The following RBM19 variants were observed in gnomAD, a reference collection of about 807,000 sequenced individuals.
RBM19 encodes the protein probable RNA-binding protein 19.
Under a neutral mutation model 116.8 loss-of-function variants are expected in RBM19, and 94 were observed. That is an observed-to-expected ratio of 0.80 (90% CI 0.68 to 0.95). The LOEUF (loss-of-function observed/expected upper bound fraction) is 0.95. Among genes scored for constraint, RBM19 ranks in the 40% least tolerant of loss-of-function variants. The pLI is 0.00. For synonymous variants in RBM19, 475 were observed against 494.1 expected (o/e 0.96, Z 0.51); for missense variants, 1,161 against 1,220.7 (o/e 0.95, Z 0.73).
At position 113,836,346 on chromosome 12, in the gene RBM19, G is replaced by C. The variant is rs571330236; in HGVS notation, c.2785+8322C>G. Among the ~76,000 whole-genome samples the C allele has an allele frequency of 2.0e-5, 3 of 152,256 alleles. No individual in the cohort carries two copies. The East Asian group carries it at 5.8e-4, about 29-fold the overall frequency. On this transcript the variant is annotated intron_variant, in intron 23 of 23. Coordinates refer to ENST00000261741, the MANE Select transcript of RBM19 (RefSeq NM_016196.4). Reference sequence around the variant, plus strand: ...ATCTCTGTCTGGTGTCAAGGTCTTTGCCTACTCAGGCCAACTTTTACAATG... The same window carrying C: ...ATCTCTGTCTGGTGTCAAGGTCTTTCCCTACTCAGGCCAACTTTTACAATG...
At chr12:113,941,649 T>G in intron 14 of RBM19, among the ~76,000 whole-genome samples, 1 of 144,546 alleles carries the variant, frequency 6.9e-6, no homozygotes, top group Non-Finnish European at 1.5e-5. Context: ...TCCATATTCA[T>G]CCTCCATCCA....
At chr12:113,838,639 T>C (rs184591062) in intron 23 of RBM19, among the ~76,000 whole-genome samples, 10 of 152,326 alleles carry the variant, frequency 6.6e-5, no homozygotes, top group Non-Finnish European at 1.5e-4. Context: ...CTCGTTCCCA[T>C]GAAAGCTTGC....
At position 113,962,288 on chromosome 12, in the gene RBM19, C is replaced by A. The variant is rs778970462; in HGVS notation, c.163G>T (p.Ala55Ser). The change falls in exon 2 of 24, where the codon GCC becomes TCC. Residue 55 changes from alanine (A) to serine (S), a missense_variant. Transcript: ENST00000261741. ...TTGAAATGCTTCTGTGCCTTCTGGG[C>A]CTCTTCCTCGGACTTGAAGCCAATA... ...GFIGFKSEEEAQKAQKHFNKS... is the reference protein window; with the variant it reads ...GFIGFKSEEESQKAQKHFNKS... The A allele has an allele frequency of 6.2e-7, 1 of 1,614,232 alleles. No homozygotes were observed. The highest frequency in any genetic ancestry group is 2.2e-5 in the East Asian group (1 of 44,884).
rs1462274656 is a variant in RBM19 at position 113,944,272 on chromosome 12, A to G, written c.1626+1556T>C. On this transcript the variant is annotated intron_variant, in intron 13 of 23. Transcript: ENST00000261741. The stretch of plus-strand genomic sequence containing the variant: ...ACCACCACACAAGGCTAATTTTTGT[A>G]TTTTTAGTAGAGATGGGGTTTCTCC... Among the ~76,000 whole-genome samples the G allele has an allele frequency of 3.3e-5, 5 of 151,534 alleles. No individual in the cohort carries two copies. The East Asian group carries it at 9.8e-4, about 30-fold the overall frequency.
At chr12:113,834,115 T>C (rs138990589) in intron 23 of RBM19, among the ~76,000 whole-genome samples, 1 of 152,284 alleles carries the variant, frequency 6.6e-6, no homozygotes, top group East Asian at 1.9e-4. Flanking sequence ...TTATTTATTT[T>C]TTTGGTAGGG....
At chr12:113,907,277 C>G (rs1367640298) in intron 21 of RBM19, among the ~76,000 whole-genome samples, 1 of 152,114 alleles carries the variant, frequency 6.6e-6, no homozygotes, top group African/African-American at 2.4e-5. Context: ...TGTTTACTGC[C>G]CCTACTGCCA....
chr12:113,874,772 C>T (rs1248711175), intron 21 of RBM19, among the ~76,000 whole-genome samples: 1 of 152,244 alleles, frequency 6.6e-6, no homozygotes, highest in Non-Finnish European at 1.5e-5. Context: ...GAGGAACACT[C>T]CAGAACCCCC....
At chr12:113,872,366 C>T (rs199711676) in intron 21 of RBM19, among the ~76,000 whole-genome samples, 16,964 of 148,666 alleles carry the variant, frequency 0.11, 869 homozygotes, top group Non-Finnish European at 0.15. Context: ...CCTCTCTGCC[C>T]GGCAGCCACC....
intron 21 of RBM19, among the ~76,000 whole-genome samples, chr12:113,911,944 G>A (rs1193278876): frequency 1.3e-5 from 2 of 152,178 alleles, no homozygotes; most frequent in Admixed American, 1.3e-4. Context: ...GACGAGAATC[G>A]CTGTCTGCAA....
At chr12:113,894,143 C>T (rs1236032854) in intron 21 of RBM19, among the ~76,000 whole-genome samples, 1 of 146,008 alleles carries the variant, frequency 6.8e-6, no homozygotes, top group East Asian at 2.0e-4. Flanking sequence ...CATCTTTCCC[C>T]TTCCCCTGAA....
chr12:113,872,506 A>G (rs75357241), intron 21 of RBM19, among the ~76,000 whole-genome samples: 56,740 of 97,840 alleles, frequency 0.58, 16,027 homozygotes, highest in East Asian at 0.76. Flanking sequence ...CAGCCGCCCC[A>G]TCCGGGAGGG....
chr12:113,834,747 T>C (rs971405519), intron 23 of RBM19, among the ~76,000 whole-genome samples: 4 of 152,176 alleles, frequency 2.6e-5, no homozygotes, highest in Admixed American at 6.5e-5. Context: ...CAGGGTACGA[T>C]GGAACACCCA....
chr12:113,921,387 C>T (rs986653599), intron 18 of RBM19, among the ~76,000 whole-genome samples: 1 of 152,086 alleles, frequency 6.6e-6, no homozygotes, highest in Non-Finnish European at 1.5e-5. Context: ...TTTGATGTCC[C>T]CCCACCTTCC....
chr12:113,840,220 G>C (rs1429770927), intron 23 of RBM19, among the ~76,000 whole-genome samples: 1 of 152,232 alleles, frequency 6.6e-6, no homozygotes, highest in Non-Finnish European at 1.5e-5. Flanking sequence ...TTGGAAAAGA[G>C]TGCTGAAAAA....
intron 19 of RBM19, 133 bp downstream of exon 19, chr12:113,920,478 G>T (rs555889143): frequency 8.5e-6 from 7 of 818,818 alleles, no homozygotes; most frequent in Admixed American, 6.0e-5. Flanking sequence ...GTCCCGTAGA[G>T]ATCTGGGAAA....
At chr12:113,865,033 T>C (rs1411329884) in intron 21 of RBM19, among the ~76,000 whole-genome samples, 1 of 152,216 alleles carries the variant, frequency 6.6e-6, no homozygotes, top group Non-Finnish European at 1.5e-5. Flanking sequence ...CTCTTCCAAA[T>C]TGCTTAACTC....
intron 21 of RBM19, among the ~76,000 whole-genome samples, chr12:113,876,055 A>G (rs1283580797): frequency 1.3e-5 from 2 of 152,182 alleles, no homozygotes; most frequent in Non-Finnish European, 1.5e-5. Flanking sequence ...TTGTTAGAGG[A>G]AAAATAATCA....
intron 19 of RBM19, among the ~76,000 whole-genome samples, chr12:113,918,822 A>G (rs1349390368): frequency 1.3e-5 from 2 of 152,200 alleles, no homozygotes; most frequent in Non-Finnish European, 2.9e-5. Context: ...AATATTCTAA[A>G]TCCTAGTGGA....
At chr12:113,939,774 C>T (rs565928512) in intron 15 of RBM19, among the ~76,000 whole-genome samples, 186 bp downstream of exon 15, 1 of 151,992 alleles carries the variant, frequency 6.6e-6, no homozygotes, top group South Asian at 2.1e-4. Flanking sequence ...ACTTCCGTCT[C>T]CCATTCTTCC....
Sources: gnomAD v4.1 joint callset for allele counts (sites outside exome capture counted in the v4.1 genomes callset) on GRCh38, gnomAD v4.1.1 for gene constraint, MANE v1.5 for transcripts, NCBI Gene and HGNC (gene_info 2026-07-23, HGNC 2026-07-21) for gene names.